HNRNPC: variants seen among roughly 807,000 people sequenced by gnomAD.
HNRNPC encodes heterogeneous nuclear ribonucleoproteins C1/C2.
In HNRNPC, 3 loss-of-function variants were observed where a neutral mutation model predicts 33.2. The ratio of observed to expected loss-of-function variants is 0.09; its 90% confidence interval spans 0.04 to 0.23. The LOEUF is 0.23. Ranked by LOEUF, HNRNPC falls within the 10% of genes least tolerant of loss-of-function variation. HNRNPC has a pLI of 1.00. For synonymous variants in HNRNPC, 121 were observed against 126.7 expected (o/e 0.96, Z 0.30); for missense variants, 143 against 366.7 (o/e 0.39, Z 4.98).
chr14:21,230,373 A>G lies in HNRNPC; in HGVS notation c.318-7T>C, dbSNP rs1893976209. 3 of 1,604,468 alleles carry G rather than the reference A, an allele frequency of 1.9e-6. No homozygotes were observed. In the Admixed American group the frequency reaches 5.0e-5, roughly 27 times the overall value. ...GTCCAAGTCAAAAGAGGAGCTGAAAAATAAATACCGAAAAGGGTTAATTTG... is the reference window on the plus strand; with the variant it reads ...GTCCAAGTCAAAAGAGGAGCTGAAAGATAAATACCGAAAAGGGTTAATTTG... On this transcript the variant is annotated splice_polypyrimidine_tract_variant and splice_region_variant and intron_variant, in intron 4 of 8. Transcript: ENST00000553300.
At chr14:21,256,853 C>A (rs1877307859) in intron 2 of HNRNPC, among the ~76,000 whole-genome samples, 1 of 152,048 alleles carries the variant, frequency 6.6e-6, no homozygotes, top group African/African-American at 2.4e-5. Context: ...AGGGTTTCAC[C>A]ATGTTGCCCA....
intron 5 of HNRNPC, among the ~76,000 whole-genome samples, chr14:21,216,614 G>A (rs1333077589): frequency 1.3e-5 from 2 of 152,108 alleles, no homozygotes; most frequent in Admixed American, 1.3e-4. Context: ...GGGGCTGAGG[G>A]ACAACAATCG....
intron 5 of HNRNPC, among the ~76,000 whole-genome samples, chr14:21,221,057 T>TG (rs1892777348): frequency 6.6e-6 from 1 of 152,144 alleles, no homozygotes; most frequent in Non-Finnish European, 1.5e-5. Context: ...ACTGCACTCC[T>TG]GCCTCAGCAA....
At chr14:21,212,674 C>A (rs1167593499) in intron 6 of HNRNPC, among the ~76,000 whole-genome samples, 2 of 152,028 alleles carry the variant, frequency 1.3e-5, no homozygotes, top group East Asian at 1.9e-4. Flanking sequence ...TCCCAATTAG[C>A]TGGGATTACA....
In HNRNPC at chr14:21,229,865, TTACATA is replaced by T. The variant is rs1893915802; in HGVS notation, c.365+448_365+453del. ...GCATACAATAGTTTGCTCCATATACTTACATATACTGCATGAGTTTGAACGCGACAA... is the reference window on the plus strand; with the variant it reads ...GCATACAATAGTTTGCTCCATATACTTACTGCATGAGTTTGAACGCGACAA... On this transcript the variant is annotated intron_variant, in intron 5 of 8. Coordinates refer to ENST00000553300, the MANE Select transcript of HNRNPC (RefSeq NM_004500.4). Among the ~76,000 whole-genome samples, 3 of 152,346 alleles carry T rather than the reference TTACATA, an allele frequency of 2.0e-5. No homozygotes were observed. The South Asian group carries it at 6.2e-4, about 32-fold the overall frequency.
intron 5 of HNRNPC, among the ~76,000 whole-genome samples, chr14:21,220,518 CA>C (rs1223706772): frequency 6.6e-6 from 1 of 152,226 alleles, no homozygotes; most frequent in African/African-American, 2.4e-5. Context: ...CGTCAGCCAC[CA>C]CTCTCGGCCT....
chr14:21,248,650 G>C (rs1225118197), intron 2 of HNRNPC, among the ~76,000 whole-genome samples: 1 of 152,152 alleles, frequency 6.6e-6, no homozygotes, highest in Non-Finnish European at 1.5e-5. Flanking sequence ...AGATTAAAAA[G>C]ATTAACACTA....
intron 2 of HNRNPC, among the ~76,000 whole-genome samples, chr14:21,253,751 G>A (rs1458316668): frequency 6.6e-6 from 1 of 151,978 alleles, no homozygotes; most frequent in African/African-American, 2.4e-5. Flanking sequence ...ATTAGCTTCT[G>A]GAGAACAAAC....
intron 2 of HNRNPC, among the ~76,000 whole-genome samples, chr14:21,242,111 C>A (rs986019814): frequency 1.2e-4 from 19 of 152,080 alleles, no homozygotes; most frequent in African/African-American, 4.1e-4. Context: ...TAAAACAACT[C>A]TCAAAAGGAA....
intron 5 of HNRNPC, among the ~76,000 whole-genome samples, chr14:21,218,038 A>T (rs904047295): frequency 6.6e-6 from 1 of 152,176 alleles, no homozygotes; most frequent in Non-Finnish European, 1.5e-5. Context: ...GTTTTAAGAA[A>T]GGGAAAAAAA....
chr14:21,250,871 G>A (rs1301339916), intron 2 of HNRNPC, among the ~76,000 whole-genome samples: 1 of 152,178 alleles, frequency 6.6e-6, no homozygotes, highest in African/African-American at 2.4e-5. Flanking sequence ...CTGGGGTAGG[G>A]TGAGACTCTA....
At chr14:21,237,168 A>C (rs554563388) in intron 2 of HNRNPC, among the ~76,000 whole-genome samples, 1 of 152,314 alleles carries the variant, frequency 6.6e-6, no homozygotes, top group East Asian at 1.9e-4. Flanking sequence ...ATAAGTAAAC[A>C]AACCCTATGT....
intron 1 of HNRNPC, among the ~76,000 whole-genome samples, chr14:21,267,011 A>C (rs914136515): frequency 2.7e-5 from 4 of 146,608 alleles, no homozygotes; most frequent in African/African-American, 1.0e-4. Flanking sequence ...GAATCGCTTG[A>C]ACCCGGGAGG....
chr14:21,231,103 A>T (rs768175369), intron 3 of HNRNPC, 31 bp from the exon 4 acceptor site: 36 of 1,582,148 alleles, frequency 2.3e-5, no homozygotes, highest in Non-Finnish European at 2.9e-5. Flanking sequence ...TGTTAATGAC[A>T]ACTTTGTATC....
intron 2 of HNRNPC, among the ~76,000 whole-genome samples, chr14:21,257,673 A>C (rs1330105832): frequency 6.6e-6 from 1 of 151,968 alleles, no homozygotes; most frequent in Admixed American, 6.6e-5. Context: ...CTGACCTCAA[A>C]CTCCTGAACT....
At position 21,267,112 on chromosome 14, in the gene HNRNPC, A is replaced by C. The variant is rs1190045520; in HGVS notation, c.-63+2186T>G. 2.3e-3 allele frequency among the ~76,000 whole-genome samples: 151 copies of C among 65,224 alleles called. 5 individuals carry two copies. Among genetic ancestry groups the C allele is most frequent in the Middle Eastern group, 7.8e-3 (1 of 128 alleles). 42.8% of individuals were successfully genotyped at this position (65,224 alleles called of 152,430 possible). A position where few individuals can be genotyped will look rare whatever the true frequency, so the allele number is the denominator to read the frequency against. ...CTCCGTCTCAAAAAAAAAAAAAAAA[A>C]AAAAAAAAAAAAAAACAAAACTGCT... is the stretch of plus-strand genomic sequence containing the variant. On this transcript the variant is annotated intron_variant, in intron 1 of 8. Transcript: ENST00000553300.
chr14:21,229,016 C>T (rs1009662066), intron 5 of HNRNPC, among the ~76,000 whole-genome samples: 1 of 146,734 alleles, frequency 6.8e-6, no homozygotes, highest in African/African-American at 2.5e-5. Flanking sequence ...ACCAAAGAGG[C>T]GTATGTTGCA....
chr14:21,220,543 T>C (rs371721426), intron 5 of HNRNPC, among the ~76,000 whole-genome samples: 5 of 152,296 alleles, frequency 3.3e-5, no homozygotes, highest in East Asian at 1.9e-4. Flanking sequence ...TTTCTTATTA[T>C]AGTATTCCTG....
rs1891929969 is a variant in HNRNPC, at chr14:21,214,369, C to T, written c.366-1252G>A. On this transcript the variant is annotated intron_variant, in intron 5 of 8. Transcript: ENST00000553300. ...TGAAAACATTTACAAGATCTCATTG[C>T]TAATTCTCTCCTCTGTTAACTTAAA... Among the ~76,000 whole-genome samples the T allele has an allele frequency of 2.0e-5, 3 of 152,160 alleles. No individual in the cohort carries two copies. In the South Asian group the frequency reaches 6.2e-4, roughly 32 times the overall value.
Sources: allele counts gnomAD v4.1 joint callset (sites outside exome capture counted in the v4.1 genomes callset), GRCh38; gene constraint gnomAD v4.1.1; transcripts MANE v1.5; gene names NCBI Gene and HGNC (gene_info 2026-07-23, HGNC 2026-07-21).